DYNC2I1: variants seen among roughly 807,000 people sequenced by gnomAD.
The protein encoded by DYNC2I1 is dynein 2 intermediate chain 1.
In DYNC2I1, 89 loss-of-function variants were observed where a neutral mutation model predicts 133.4. That is an observed-to-expected ratio of 0.67 (90% CI 0.56 to 0.80). DYNC2I1 has a LOEUF of 0.80. Among genes scored for constraint, DYNC2I1 ranks in the 30% least tolerant of loss-of-function variants. DYNC2I1 has a pLI of 0.00. For missense variants in DYNC2I1, 1,291 were observed against 1,314.5 expected (o/e 0.98, Z 0.28); for synonymous variants, 504 against 484.3 (o/e 1.04, Z -0.54).
At chr7:158,931,742 C>G (rs1243429281) in intron 21 of DYNC2I1, among the ~76,000 whole-genome samples, 1 of 152,222 alleles carries the variant, frequency 6.6e-6, no homozygotes, top group Non-Finnish European at 1.5e-5. Context: ...AATGTTCCCT[C>G]AGACTCTGCT....
chr7:158,877,131 C>T (rs189854684), intron 4 of DYNC2I1, among the ~76,000 whole-genome samples: 6 of 152,296 alleles, frequency 3.9e-5, no homozygotes, highest in Admixed American at 3.9e-4. Context: ...GAGCGTGCAA[C>T]TTGGTGTTTC....
At chr7:158,950,325 G>A (rs1016723975), downstream of DYNC2I1, among the ~76,000 whole-genome samples, 6 of 152,116 alleles carry the variant, frequency 3.9e-5, no homozygotes, top group Admixed American at 6.5e-5. Context: ...TTGGCCTCCC[G>A]AAGTGCTGGG....
At chr7:158,918,615 T>TA in intron 14 of DYNC2I1, 125 bp from the exon 15 acceptor site, 1 of 1,098,566 alleles carries the variant, frequency 9.1e-7, no homozygotes, top group Non-Finnish European at 1.3e-6. Flanking sequence ...TTCTTGTAGT[T>TA]ATGATAGCGT....
chr7:158,841,167 A>ATATATATATATATATATATATATATG, the DYNC2I1 span, among the ~76,000 whole-genome samples: 1 of 1,112 alleles, frequency 9.0e-4, no homozygotes, highest in African/African-American at 3.3e-3. Context: ...AAATATATAT[A>ATATATATATATATATATATATATATG]TATATATATA....
At chr7:158,906,750 G>T (rs554225660) in intron 11 of DYNC2I1, among the ~76,000 whole-genome samples, 5 of 152,168 alleles carry the variant, frequency 3.3e-5, no homozygotes, top group Non-Finnish European at 4.4e-5. Flanking sequence ...GAGCCAGCAT[G>T]CCTGGCCAAA....
downstream of DYNC2I1, among the ~76,000 whole-genome samples, chr7:158,948,186 A>G (rs554755441): frequency 3.3e-5 from 5 of 152,282 alleles, no homozygotes; most frequent in South Asian, 2.1e-4. Flanking sequence ...AGATTAGGAA[A>G]ACAGACGTGG....
At chr7:158,958,082 A>C (rs2657320), downstream of DYNC2I1, among the ~76,000 whole-genome samples, 5,858 of 37,336 alleles carry the variant, frequency 0.16, 26 homozygotes, top group African/African-American at 0.21. Flanking sequence ...TCAGCCACAG[A>C]CACGCCCCAG....
intron 8 of DYNC2I1, among the ~76,000 whole-genome samples, chr7:158,895,504 C>T (rs1845679234): frequency 6.6e-6 from 1 of 152,156 alleles, no homozygotes; most frequent in Non-Finnish European, 1.5e-5. Flanking sequence ...TCTATTTGTC[C>T]ACTCTTTTCG....
At chr7:158,942,361 A>T (rs1054278400) in intron 24 of DYNC2I1, among the ~76,000 whole-genome samples, 10 of 152,156 alleles carry the variant, frequency 6.6e-5, no homozygotes, top group Non-Finnish European at 1.3e-4. Context: ...GAAGGCAGAG[A>T]TTTCTAGCAC....
chr7:158,933,385 G>A (rs189325178), intron 21 of DYNC2I1, among the ~76,000 whole-genome samples: 225 of 152,336 alleles, frequency 1.5e-3, no homozygotes, highest in African/African-American at 4.7e-3. Flanking sequence ...CAGACCTTCT[G>A]AGCTGTCTCT....
intron 5 of DYNC2I1, among the ~76,000 whole-genome samples, chr7:158,880,373 C>T (rs1481906474): frequency 1.3e-5 from 2 of 152,036 alleles, no homozygotes; most frequent in African/African-American, 2.4e-5. Context: ...CCCGTCTCTA[C>T]TAAAAATACA....
intron 17 of DYNC2I1, among the ~76,000 whole-genome samples, chr7:158,924,145 C>G (rs1230525218): frequency 6.6e-6 from 1 of 152,248 alleles, no homozygotes; most frequent in African/African-American, 2.4e-5. Flanking sequence ...GGTGGACATT[C>G]ATACTATGCC....
At chr7:158,920,944 C>G (rs903406210) in intron 15 of DYNC2I1, among the ~76,000 whole-genome samples, 1 of 152,096 alleles carries the variant, frequency 6.6e-6, no homozygotes, top group African/African-American at 2.4e-5. Context: ...TTAAAACACG[C>G]GGCAGAATGA....
chr7:158,889,212 C>G (rs1207163530), intron 7 of DYNC2I1, among the ~76,000 whole-genome samples: 2 of 151,940 alleles, frequency 1.3e-5, no homozygotes, highest in Non-Finnish European at 2.9e-5. Flanking sequence ...TCCTGAGTAG[C>G]TGGGACTACA....
chr7:158,889,191 C>T (rs894777174), intron 7 of DYNC2I1, among the ~76,000 whole-genome samples: 8 of 151,916 alleles, frequency 5.3e-5, no homozygotes, highest in Admixed American at 5.2e-4. Flanking sequence ...CGCCATTCTC[C>T]TGCCTCAGCC....
intron 8 of DYNC2I1, among the ~76,000 whole-genome samples, chr7:158,896,771 C>A (rs965960040): frequency 2.0e-5 from 3 of 151,456 alleles, no homozygotes; most frequent in African/African-American, 7.3e-5. Context: ...CTGTGCCTGG[C>A]CCTATGTGAT....
chr7:158,918,089 G>A (rs1382478136), intron 14 of DYNC2I1, among the ~76,000 whole-genome samples: 2 of 151,976 alleles, frequency 1.3e-5, no homozygotes, highest in African/African-American at 4.8e-5. Context: ...TTCTCACTCA[G>A]TATTCCCGGC....
At chr7:158,891,812 A>G (rs910151054) in intron 8 of DYNC2I1, among the ~76,000 whole-genome samples, 2 of 152,234 alleles carry the variant, frequency 1.3e-5, no homozygotes, top group African/African-American at 4.8e-5. Context: ...CAGAATATAT[A>G]TGCAAAACTG....
upstream of DYNC2I1, among the ~76,000 whole-genome samples, chr7:158,852,607 G>C (rs1350832112): frequency 1.3e-5 from 2 of 151,936 alleles, no homozygotes; most frequent in Non-Finnish European, 2.9e-5. Flanking sequence ...GGCGTGGTGG[G>C]AGGTGCCTGC....
Sources: gnomAD v4.1 joint callset for allele counts (sites outside exome capture counted in the v4.1 genomes callset) on GRCh38, gnomAD v4.1.1 for gene constraint, MANE v1.5 for transcripts, NCBI Gene and HGNC (gene_info 2026-07-23, HGNC 2026-07-21) for gene names.